SMG7: variants seen among roughly 807,000 people sequenced by gnomAD.
The protein encoded by SMG7 is nonsense-mediated mRNA decay factor SMG7.
In SMG7, 34 loss-of-function variants were observed where a neutral mutation model predicts 148.2. The observed-to-expected ratio is 0.23, with a 90% CI of 0.17 to 0.31. The LOEUF (loss-of-function observed/expected upper bound fraction) is 0.31, where lower values mean the gene tolerates loss of function less well. SMG7 is among the 10% of genes least tolerant of loss of function. SMG7 has a pLI of 1.00. For synonymous variants in SMG7, 492 were observed against 515.1 expected, an observed-to-expected ratio of 0.96 and a Z score of 0.61; for missense variants, 1,114 against 1,408.4, an observed-to-expected ratio of 0.79 and a Z score of 3.35.
In SMG7 at chr1:183,541,071, T is replaced by A; in HGVS notation, c.1383T>A (p.Ser461=). The part of the protein sequence containing the change: ...QRRIRQQRLI[S]IGKWIADNQP... ...GAATACGACAGCAACGCTTGATCTCTATAGGCAAATGGATTGCTGATAATC... is the reference window on the plus strand; with the variant it reads ...GAATACGACAGCAACGCTTGATCTCAATAGGCAAATGGATTGCTGATAATC... The change falls in exon 13 of 23, where the codon TCT becomes TCA. Residue 461 remains serine, a synonymous_variant. Transcript: ENST00000688051. 1 of 1,598,962 alleles carries A rather than the reference T, an allele frequency of 6.3e-7. No individual in the cohort carries two copies. Among genetic ancestry groups the A allele is most frequent in the Non-Finnish European group, 8.6e-7 (1 of 1,166,910 alleles).
At chr1:183,516,197 T>A (rs1482184712) in intron 3 of SMG7, 1 of 481,274 alleles carries the variant, frequency 2.1e-6, no homozygotes, top group African/African-American at 2.0e-5. Flanking sequence ...ATGTTTAGAG[T>A]TGAATTCTAT....
intron 14 of SMG7, among the ~76,000 whole-genome samples, chr1:183,542,814 A>G (rs1669109528): frequency 6.6e-6 from 1 of 152,134 alleles, no homozygotes; most frequent in Non-Finnish European, 1.5e-5. Context: ...AGATATAACT[A>G]CCATTTGTCA....
intron 10 of SMG7, among the ~76,000 whole-genome samples, chr1:183,535,854 TTC>T (rs1667668791): frequency 6.6e-6 from 1 of 152,132 alleles, no homozygotes; most frequent in Non-Finnish European, 1.5e-5. Context: ...CAGTATAGTA[TTC>T]TCTTTTAGTT....
chr1:183,537,088 A>G (rs1026005149), intron 10 of SMG7, 57 bp from the exon 11 acceptor site: 1 of 1,191,212 alleles, frequency 8.4e-7, no homozygotes, highest in East Asian at 2.3e-5. Context: ...ATGGCTTATT[A>G]GTGTTCTGGT....
chr1:183,498,937 G>A (rs1440838703), intron 1 of SMG7, among the ~76,000 whole-genome samples: 1 of 152,008 alleles, frequency 6.6e-6, no homozygotes, highest in Non-Finnish European at 1.5e-5. Context: ...TCCAACTCCT[G>A]GCAACCACTG....
rs186938021 is a variant in SMG7 at position 183,523,786 on chromosome 1, T to C, written c.313-2810T>C. On this transcript the variant is annotated intron_variant, in intron 4 of 22. Transcript: ENST00000688051. ...TTCTACATGATGTTCCAACCATAAT[T>C]TTATTTATTTTTTGTGATCTTTCTT... Among the ~76,000 whole-genome samples, 67 of 152,198 alleles carry C rather than the reference T, an allele frequency of 4.4e-4. 1 individual carries two copies. The East Asian group carries it at 0.011, about 26-fold the overall frequency.
At chr1:183,494,851 T>G (rs1367037381) in intron 1 of SMG7, among the ~76,000 whole-genome samples, 7 of 136,490 alleles carry the variant, frequency 5.1e-5, no homozygotes, top group Non-Finnish European at 1.1e-4. Flanking sequence ...ACCACAACCT[T>G]GGGTGTCTCG....
intron 1 of SMG7, among the ~76,000 whole-genome samples, chr1:183,485,312 CAT>C (rs1473179723): frequency 1.3e-5 from 2 of 151,966 alleles, no homozygotes; most frequent in East Asian, 3.8e-4. Flanking sequence ...GAATTATAAA[CAT>C]ATATAATCTG....
At chr1:183,500,929 G>A (rs552213037) in intron 1 of SMG7, among the ~76,000 whole-genome samples, 4 of 152,266 alleles carry the variant, frequency 2.6e-5, no homozygotes, top group South Asian at 2.1e-4. Flanking sequence ...ACTAAAGTGC[G>A]ACTAAAGTCA....
intron 4 of SMG7, among the ~76,000 whole-genome samples, chr1:183,524,260 T>A (rs922087509): frequency 2.6e-5 from 4 of 152,030 alleles, no homozygotes; most frequent in Non-Finnish European, 5.9e-5. Context: ...ATTTTTTGTT[T>A]CACTTTATTT....
chr1:183,483,474 G>T (rs569149691), intron 1 of SMG7, among the ~76,000 whole-genome samples: 1 of 152,262 alleles, frequency 6.6e-6, no homozygotes, highest in South Asian at 2.1e-4. Flanking sequence ...ATGAGTTAAA[G>T]ACTGCTTACT....
chr1:183,508,395 G>C (rs993809898), intron 1 of SMG7, among the ~76,000 whole-genome samples: 1 of 152,014 alleles, frequency 6.6e-6, no homozygotes, highest in African/African-American at 2.4e-5. Flanking sequence ...GTCTTCCTCT[G>C]GTGTCCAGGC....
In SMG7 at chr1:183,533,908, T is replaced by C. The variant is rs941994565; in HGVS notation, c.1163+76T>C. ...ATCCATAAATATGTAAAAACTGCCT[T>C]CTAAAATACAACATTTGAACAATAG... On this transcript the variant is annotated intron_variant, in intron 10 of 22. Coordinates refer to ENST00000688051, the MANE Select transcript of SMG7 (RefSeq NM_001375584.1). 8 of 1,250,314 alleles carry C rather than the reference T, an allele frequency of 6.4e-6. No individual in the cohort carries two copies. The African/African-American group carries it at 1.2e-4, about 19-fold the overall frequency. The allele number at this position is 1,250,314 out of a possible 1,614,324, so 77.5% of individuals were successfully genotyped here.
intron 1 of SMG7, chr1:183,508,015 T>TA (rs1661309168): frequency 5.4e-6 from 1 of 186,670 alleles, no homozygotes; most frequent in Non-Finnish European, 1.0e-5. Context: ...GTTCATTCAT[T>TA]ATTTTCATTA....
intron 1 of SMG7, among the ~76,000 whole-genome samples, chr1:183,502,965 CTG>C (rs1416914325): frequency 2.0e-5 from 3 of 152,186 alleles, no homozygotes; most frequent in African/African-American, 7.2e-5. Flanking sequence ...CAGCTTTTAA[CTG>C]AGAGATGATA....
At chr1:183,488,671 T>C (rs559325625) in intron 1 of SMG7, among the ~76,000 whole-genome samples, 5 of 149,360 alleles carry the variant, frequency 3.3e-5, no homozygotes, top group African/African-American at 9.8e-5. Flanking sequence ...AAAAGTAAAA[T>C]GTTTATAAGG....
At position 183,519,475 on chromosome 1, in the gene SMG7, C is replaced by T. The variant is rs188512025; in HGVS notation, c.312+1655C>T. On this transcript the variant is annotated intron_variant, in intron 4 of 22. Transcript: ENST00000688051. The stretch of plus-strand genomic sequence containing the variant: ...TGTCAAAAGGCTACTATTTGTAAGG[C>T]ACGATACTAGATGCTGAGGATATGG... 3.3e-5 allele frequency among the ~76,000 whole-genome samples: 5 copies of T among 151,470 alleles called. No homozygotes were observed. The East Asian group carries it at 9.7e-4, about 29-fold the overall frequency.
At chr1:183,521,946 G>A (rs1009619849) in intron 4 of SMG7, among the ~76,000 whole-genome samples, 1 of 151,812 alleles carries the variant, frequency 6.6e-6, no homozygotes, top group Non-Finnish European at 1.5e-5. Flanking sequence ...ATTTTTAAAC[G>A]ATAACCCTGG....
In SMG7 at chr1:183,546,270, G is replaced by A. The variant is rs770528210; in HGVS notation, c.2675G>A (p.Arg892His). 7.7e-5 allele frequency: 125 copies of A among 1,613,862 alleles called. No homozygotes were observed. In the East Asian group the frequency reaches 1.2e-3, roughly 16 times the overall value. ...SVMAQQANID[R>H]RGKRSPGVFR... ...ATGGCACAGCAAGCAAACATAGACC[G>A]CAGGGGCAAACGGTCACCAGGAGTC... Residue 892 changes from arginine to histidine, a missense_variant, in exon 17 of 23, where the codon CGC becomes CAC. Arg to His is a conservative substitution (Grantham distance 29, BLOSUM62 0). Around this residue, in one of 4 missense-constraint regions of SMG7, gnomAD observed 788 missense variants for 894.5 expected, o/e 0.88. Transcript: ENST00000688051.
Sources: allele counts gnomAD v4.1 joint callset (sites outside exome capture counted in the v4.1 genomes callset), GRCh38; gene constraint gnomAD v4.1.1; regional missense constraint gnomAD v4.1.1; transcripts MANE v1.5; gene names NCBI Gene and HGNC (gene_info 2026-07-23, HGNC 2026-07-21).